The following MACO1 variants were observed in gnomAD, a reference collection of about 807,000 sequenced individuals.
MACO1 encodes the protein macoilin 1, also known as macoilin.
In MACO1, 14 loss-of-function variants were observed where a neutral mutation model predicts 78.7. That is an observed-to-expected ratio of 0.18 (90% CI 0.12 to 0.28). The LOEUF (loss-of-function observed/expected upper bound fraction) is 0.28. Among genes scored for constraint, MACO1 ranks in the 10% least tolerant of loss-of-function variants. The pLI is 1.00. For missense variants in MACO1, 501 were observed against 799.0 expected, an observed-to-expected ratio of 0.63 and a Z score of 4.50; for synonymous variants, 288 against 291.6, an observed-to-expected ratio of 0.99 and a Z score of 0.12.
At chr1:25,432,587 C>A (rs922512743) in intron 1 of MACO1, among the ~76,000 whole-genome samples, 1 of 152,208 alleles carries the variant, frequency 6.6e-6, no homozygotes, top group Non-Finnish European at 1.5e-5. Flanking sequence ...ATTTTTTCTA[C>A]ACATAGATGG....
chr1:25,485,335 T>C lies in MACO1; in HGVS notation c.1314-278T>C, dbSNP rs185884297. On this transcript the variant is annotated intron_variant, in intron 7 of 10. Coordinates refer to ENST00000374343, the MANE Select transcript of MACO1 (RefSeq NM_018202.6). This position sits in a 1 kb window ranked among gnomAD's most constrained non-coding sequence, Gnocchi z 4.3. The stretch of plus-strand genomic sequence containing the variant: ...CTTCCCCTCTGTTCAAAATTTGTTT[T>C]ACCCTGTTTTCTGGATGACCTTTTG... Among the ~76,000 whole-genome samples, 347 of 152,346 alleles carry C rather than the reference T, an allele frequency of 2.3e-3. 4 individuals carry two copies. Among genetic ancestry groups the C allele is most frequent in the Admixed American group, 0.02 (309 of 15,298 alleles).
chr1:25,447,960 G>T (rs2043030533), intron 2 of MACO1, among the ~76,000 whole-genome samples: 1 of 152,176 alleles, frequency 6.6e-6, no homozygotes, highest in Non-Finnish European at 1.5e-5. Flanking sequence ...TTCGGCTTAT[G>T]TTCTATTGGC....
At chr1:25,434,639 C>T (rs2042903719) in intron 1 of MACO1, among the ~76,000 whole-genome samples, 1 of 152,100 alleles carries the variant, frequency 6.6e-6, no homozygotes, top group South Asian at 2.1e-4. Flanking sequence ...TTGCTCTGTG[C>T]TATTTTATGA....
Position 25,457,606 on chromosome 1 carries a change from T to C in MACO1, c.652+775T>C, listed in dbSNP as rs569284162. 3.5e-4 allele frequency among the ~76,000 whole-genome samples: 53 copies of C among 152,312 alleles called. 1 individual carries two copies. The Middle Eastern group carries it at 0.01, about 29-fold the overall frequency. ...GTCGTGTTCTAAATGCTTCATATAA[T>C]GTAATGCAGATTTTAAATTGAACCA... On this transcript the variant is annotated intron_variant, in intron 5 of 10. Transcript: ENST00000374343.
intron 3 of MACO1, among the ~76,000 whole-genome samples, chr1:25,452,442 A>G (rs1355538496): frequency 5.9e-5 from 9 of 152,162 alleles, no homozygotes; most frequent in Non-Finnish European, 1.3e-4. Context: ...GTTTTTAATT[A>G]CAAAGGGAAT....
At position 25,495,188 on chromosome 1, in the gene MACO1, T is replaced by C. The variant is rs1284215888; in HGVS notation, c.1793-3076T>C. 2.0e-5 allele frequency among the ~76,000 whole-genome samples: 3 copies of C among 152,140 alleles called. No individual in the cohort carries two copies. In the East Asian group the frequency reaches 5.8e-4, roughly 29 times the overall value. ...CTTGGTTTTGCAAACTTGGAAAAGA[T>C]TCCCCCTGGCGTGAAGCAGCACCTG... On this transcript the variant is annotated intron_variant, in intron 10 of 10. Coordinates refer to ENST00000374343, the MANE Select transcript of MACO1 (RefSeq NM_018202.6).
At chr1:25,439,207 A>G (rs1002664082) in intron 1 of MACO1, among the ~76,000 whole-genome samples, 2 of 152,032 alleles carry the variant, frequency 1.3e-5, no homozygotes, top group Non-Finnish European at 2.9e-5. Context: ...AAGGCATAAG[A>G]TACCCTATTT....
chr1:25,438,094 T>G (rs748148017), intron 1 of MACO1, among the ~76,000 whole-genome samples: 2 of 152,182 alleles, frequency 1.3e-5, no homozygotes, highest in South Asian at 4.1e-4. Flanking sequence ...AAGGTCTGTA[T>G]AGACCACAGA....
chr1:25,482,176 C>G (rs181504152), intron 6 of MACO1, among the ~76,000 whole-genome samples: 1 of 152,134 alleles, frequency 6.6e-6, no homozygotes, highest in African/African-American at 2.4e-5. Context: ...AGAATCTCAT[C>G]AGAGCAAACT....
At chr1:25,492,390 TC>T (rs1276937754) in intron 10 of MACO1, among the ~76,000 whole-genome samples, 2 of 152,044 alleles carry the variant, frequency 1.3e-5, no homozygotes, top group African/African-American at 4.8e-5. Context: ...AACAGGGCAA[TC>T]ATGGAAAATC....
chr1:25,475,874 TCA>T (rs2043317717), intron 6 of MACO1, among the ~76,000 whole-genome samples: 1 of 152,222 alleles, frequency 6.6e-6, no homozygotes, highest in African/African-American at 2.4e-5. Context: ...CTTTTATTTT[TCA>T]CAGACTCTAT....
intron 1 of MACO1, among the ~76,000 whole-genome samples, chr1:25,436,087 C>T (rs562701444): frequency 4.6e-5 from 7 of 152,126 alleles, no homozygotes; most frequent in Non-Finnish European, 1.0e-4. Context: ...TTCTTCACAT[C>T]GATTCCTCAT....
chr1:25,495,970 GAACAA>G, intron 10 of MACO1, among the ~76,000 whole-genome samples: 1 of 152,036 alleles, frequency 6.6e-6, no homozygotes, highest in East Asian at 1.9e-4. Flanking sequence ...CAAAAAAAAT[GAACAA>G]AACAAAACCA....
intron 10 of MACO1, among the ~76,000 whole-genome samples, chr1:25,496,790 T>G (rs1380106399): frequency 6.6e-6 from 1 of 152,012 alleles, no homozygotes; most frequent in Non-Finnish European, 1.5e-5. Context: ...ACCAAATGAA[T>G]AGTTGCCAGA....
intron 5 of MACO1, among the ~76,000 whole-genome samples, chr1:25,457,504 A>G (rs2043132012): frequency 6.6e-6 from 1 of 152,218 alleles, no homozygotes; most frequent in Admixed American, 6.5e-5. Flanking sequence ...ACCAAAGTAT[A>G]AGCACAATGG....
At position 25,484,156 on chromosome 1, in the gene MACO1, G is replaced by T. The variant is rs1195289224; in HGVS notation, c.1195G>T (p.Ala399Ser). ...DIKKLKADLQASRQVEQELRS... is the reference protein window; with the variant it reads ...DIKKLKADLQSSRQVEQELRS... ...TAAAAAGTTAAAGGCTGACCTGCAAGCCAGCAGACAAGTGGAACAAGAGCT... is the reference window on the plus strand; with the variant it reads ...TAAAAAGTTAAAGGCTGACCTGCAATCCAGCAGACAAGTGGAACAAGAGCT... Residue 399 changes from alanine to serine, a missense_variant, in exon 7 of 11, where the codon GCC becomes TCC. Physicochemically the swap from Ala to Ser is moderately conservative, Grantham distance 99 (BLOSUM62 1). Around this residue, in one of 5 missense-constraint regions of MACO1, gnomAD observed 163 missense variants for 271.9 expected, o/e 0.60. Transcript: ENST00000374343. 5.0e-6 allele frequency: 8 copies of T among 1,613,678 alleles called. No homozygotes were observed. The South Asian group carries it at 7.7e-5, about 16-fold the overall frequency.
chr1:25,489,420 T>C lies in MACO1; in HGVS notation c.1617+127T>C, dbSNP rs563228726. 24 of 1,090,894 alleles carry C rather than the reference T, an allele frequency of 2.2e-5. No homozygotes were observed. The South Asian group carries it at 4.1e-4, about 19-fold the overall frequency. 67.6% of individuals were successfully genotyped at this position (1,090,894 alleles called of 1,614,324 possible). On this transcript the variant is annotated intron_variant, in intron 9 of 10. Transcript: ENST00000374343. ...CAAATCTCATTGCATCTGAAAAATC[T>C]CTATGTGACAAAAAGATTTGAAGTT...
chr1:25,461,442 T>G (rs1480384761), intron 6 of MACO1, among the ~76,000 whole-genome samples: 1 of 152,162 alleles, frequency 6.6e-6, no homozygotes, highest in Non-Finnish European at 1.5e-5. Flanking sequence ...GGACCTTCTA[T>G]TTACTGTCTG....
intron 8 of MACO1, among the ~76,000 whole-genome samples, chr1:25,487,712 G>A (rs545098453): frequency 3.9e-5 from 6 of 152,292 alleles, no homozygotes; most frequent in Non-Finnish European, 5.9e-5. Flanking sequence ...GTCCCAATGC[G>A]TAGCCCCTCA....
Sources: allele counts gnomAD v4.1 joint callset (sites outside exome capture counted in the v4.1 genomes callset), GRCh38; gene constraint gnomAD v4.1.1; regional missense constraint gnomAD v4.1.1; non-coding constraint Gnocchi (gnomAD v3.1); transcripts MANE v1.5; gene names NCBI Gene and HGNC (gene_info 2026-07-23, HGNC 2026-07-21).